Variants in NIBAN1 observed in about 807,000 individuals in gnomAD.
The protein encoded by NIBAN1 is protein Niban 1.
In NIBAN1, 81 loss-of-function variants were observed where a neutral mutation model predicts 75.1. The observed-to-expected ratio is 1.08, with a 90% CI of 0.90 to 1.30. The LOEUF is 1.30. Ranked by LOEUF, NIBAN1 falls within the 50% of genes most tolerant of loss-of-function variation. The probability of loss-of-function intolerance (pLI) is 0.00; values close to 1 mark genes in which losing one functional copy is unlikely to be tolerated. For synonymous variants in NIBAN1, 436 were observed against 424.8 expected (o/e 1.03, Z -0.32); for missense variants, 1,133 against 1,128.1 (o/e 1.00, Z -0.06).
intron 5 of NIBAN1, among the ~76,000 whole-genome samples, chr1:184,862,447 G>C (rs774168889): frequency 3.8e-4 from 58 of 152,252 alleles, no homozygotes; most frequent in Non-Finnish European, 6.3e-4. Flanking sequence ...TTCGAGAGCA[G>C]CTGGGACTAC....
intron 11 of NIBAN1, among the ~76,000 whole-genome samples, chr1:184,804,590 T>C (rs940200006): frequency 6.6e-6 from 1 of 152,176 alleles, no homozygotes; most frequent in Non-Finnish European, 1.5e-5. Context: ...ACACTGAATA[T>C]GAAGTTGAAC....
rs150568820 is a variant in NIBAN1 at position 184,826,765 on chromosome 1, A to G, written c.718-3023T>C. Among the ~76,000 whole-genome samples the G allele has an allele frequency of 2.0e-3, 298 of 152,300 alleles. 3 individuals are homozygous for G. The highest frequency in any genetic ancestry group is 7.0e-3 in the African/African-American group (290 of 41,560). ...AGTTTTGTTTAGTCTTTCCCACACA[A>G]TGTTCCAAGAAATTTGGCTCTATGT... is the stretch of plus-strand genomic sequence containing the variant. On this transcript the variant is annotated intron_variant, in intron 6 of 13. Transcript: ENST00000367511.
chr1:184,960,136 G>A (rs1012641955), intron 1 of NIBAN1, among the ~76,000 whole-genome samples: 3 of 152,170 alleles, frequency 2.0e-5, no homozygotes, highest in Non-Finnish European at 2.9e-5. Flanking sequence ...TATGGCAAAT[G>A]TGTAATATCT....
chr1:184,879,019 G>A (rs573605342), intron 5 of NIBAN1, among the ~76,000 whole-genome samples: 2 of 152,188 alleles, frequency 1.3e-5, no homozygotes, highest in African/African-American at 2.4e-5. Flanking sequence ...TAATTGTAGA[G>A]TACTAACTAT....
In NIBAN1 at chr1:184,798,200, AAG is replaced by A. The variant is rs781349532; in HGVS notation, c.1555-12_1555-11del. The stretch of plus-strand genomic sequence containing the variant: ...CGTATTTCTGAAGCTCCTGGAGAGC[AAG>A]AGATTAGAAGATAAAGATGAAAAGG... On this transcript the variant is annotated splice_polypyrimidine_tract_variant and intron_variant, in intron 12 of 13. Coordinates refer to ENST00000367511, the MANE Select transcript of NIBAN1 (RefSeq NM_052966.4). The A allele has an allele frequency of 1.9e-6, 3 of 1,541,702 alleles. No individual in the cohort carries two copies. The highest frequency in any genetic ancestry group is 2.7e-6 in the Non-Finnish European group (3 of 1,123,316).
intron 1 of NIBAN1, among the ~76,000 whole-genome samples, chr1:184,909,376 A>G (rs1657183223): frequency 6.6e-6 from 1 of 151,954 alleles, no homozygotes; most frequent in African/African-American, 2.4e-5. Context: ...CTTGCTTTAT[A>G]TTTTACATTT....
chr1:184,911,723 G>A (rs1023337142), intron 1 of NIBAN1, among the ~76,000 whole-genome samples: 3 of 152,094 alleles, frequency 2.0e-5, no homozygotes, highest in African/African-American at 7.2e-5. Flanking sequence ...AGCTTCTCTG[G>A]ACCCTGCTCT....
chr1:184,963,244 T>C (rs1658696877), intron 1 of NIBAN1, among the ~76,000 whole-genome samples: 1 of 152,130 alleles, frequency 6.6e-6, no homozygotes, highest in African/African-American at 2.4e-5. Flanking sequence ...TAAAATTCAG[T>C]ATATATTTAT....
At chr1:184,852,252 A>T (rs1655561055) in intron 5 of NIBAN1, among the ~76,000 whole-genome samples, 1 of 152,178 alleles carries the variant, frequency 6.6e-6, no homozygotes, top group Non-Finnish European at 1.5e-5. Context: ...ATGGAGGGAA[A>T]ATCCTTACAG....
At position 184,818,636 on chromosome 1, in the gene NIBAN1, A is replaced by G. The variant is rs768570114; in HGVS notation, c.1173+2T>C. 1.9e-6 allele frequency: 3 copies of G among 1,588,766 alleles called. No individual in the cohort carries two copies. Among genetic ancestry groups the G allele is most frequent in the East Asian group, 2.3e-5 (1 of 44,372 alleles). ...ACCCAGCTCCTCAGCTTTGTATCCT[A>G]CCTCCTTTAGCTGGACACTGTCTTT... On this transcript the variant is annotated splice_donor_variant, in intron 9 of 13. Transcript: ENST00000367511. LOFTEE classifies it high-confidence loss of function.
intron 6 of NIBAN1, among the ~76,000 whole-genome samples, chr1:184,827,034 T>C (rs1220794861): frequency 6.6e-6 from 1 of 152,174 alleles, no homozygotes; most frequent in African/African-American, 2.4e-5. Flanking sequence ...CTGATGATTT[T>C]ATAAGGGGTT....
rs753445100 is a variant in NIBAN1 at position 184,795,211 on chromosome 1, G to A, written c.2553C>T (p.Ile851=). ...CAGAAACCTGGCTCTCACTGAGGCAGATGGGGTCAGAACCTAAGGTGCAGC... is the reference window on the plus strand; with the variant it reads ...CAGAAACCTGGCTCTCACTGAGGCAAATGGGGTCAGAACCTAAGGTGCAGC... ...QEGCTLGSDP[I]CLSESQVSEE... The change falls in exon 14 of 14, where the codon ATC becomes ATT. Residue 851 remains isoleucine, a synonymous_variant. Coordinates refer to ENST00000367511, the MANE Select transcript of NIBAN1 (RefSeq NM_052966.4). 4 of 1,614,090 alleles carry A rather than the reference G, an allele frequency of 2.5e-6. No individual in the cohort carries two copies. The highest frequency in any genetic ancestry group is 3.3e-5 in the Admixed American group (2 of 60,034).
At chr1:184,834,574 C>T (rs575624) in intron 5 of NIBAN1, among the ~76,000 whole-genome samples, 92,075 of 152,046 alleles carry the variant, frequency 0.61, 28,539 homozygotes, top group African/African-American at 0.74. Flanking sequence ...TGGTATCTCA[C>T]TGTGGTTGTG....
intron 8 of NIBAN1, among the ~76,000 whole-genome samples, chr1:184,820,678 G>C (rs1018313746): frequency 1.3e-5 from 2 of 152,264 alleles, no homozygotes; most frequent in African/African-American, 4.8e-5. Context: ...TGAAGTGAAG[G>C]AAGGAGCTGA....
rs1336480884 is a variant in NIBAN1 at position 184,799,768 on chromosome 1, C to T, written c.1555-1578G>A. ...TTTTTTTTTTTTTTTTTTTTTGAGA[C>T]GGAGTCTCGCTCTGTCGCCCAGGCT... is the stretch of plus-strand genomic sequence containing the variant. On this transcript the variant is annotated intron_variant, in intron 12 of 13. Coordinates refer to ENST00000367511, the MANE Select transcript of NIBAN1 (RefSeq NM_052966.4). Among the ~76,000 whole-genome samples the T allele has an allele frequency of 7.3e-5, 4 of 54,736 alleles. 1 individual carries two copies. The East Asian group carries it at 3.1e-3, about 43-fold the overall frequency. 35.9% of individuals were successfully genotyped at this position (54,736 alleles called of 152,430 possible).
At chr1:184,860,190 T>G (rs1401988030) in intron 5 of NIBAN1, among the ~76,000 whole-genome samples, 1 of 140,394 alleles carries the variant, frequency 7.1e-6, no homozygotes, top group Non-Finnish European at 1.5e-5. Flanking sequence ...ACAGAAGGAA[T>G]GAAAAGGAGT....
At chr1:184,843,327 C>T (rs1655347114) in intron 5 of NIBAN1, among the ~76,000 whole-genome samples, 1 of 152,222 alleles carries the variant, frequency 6.6e-6, no homozygotes, top group Non-Finnish European at 1.5e-5. Context: ...CTTTCTTTCC[C>T]TAGCATGAAT....
At chr1:184,840,335 G>C (rs138119816) in intron 5 of NIBAN1, among the ~76,000 whole-genome samples, 133 of 152,136 alleles carry the variant, frequency 8.7e-4, no homozygotes, top group African/African-American at 3.1e-3. Context: ...CTGTATTAGT[G>C]GACACAGCCC....
chr1:184,952,280 T>C (rs536990039), intron 1 of NIBAN1, among the ~76,000 whole-genome samples: 1 of 152,302 alleles, frequency 6.6e-6, no homozygotes, highest in African/African-American at 2.4e-5. Flanking sequence ...GGCACATGCC[T>C]ACAGTCCCAG....
Sources: gnomAD v4.1 joint callset for allele counts (sites outside exome capture counted in the v4.1 genomes callset) on GRCh38, gnomAD v4.1.1 for gene constraint, MANE v1.5 for transcripts, NCBI Gene and HGNC (gene_info 2026-07-23, HGNC 2026-07-21) for gene names.